RNF24: variants seen among roughly 807,000 people sequenced by gnomAD.
The protein encoded by RNF24 is ring finger protein 24.
A neutral mutation model predicts 20.0 loss-of-function variants in RNF24; 14 were observed. The ratio of observed to expected loss-of-function variants is 0.70; its 90% CI spans 0.46 to 1.10. The LOEUF (loss-of-function observed/expected upper bound fraction) is 1.10. Ranked by LOEUF, RNF24 falls within the 50% of genes least tolerant of loss-of-function variation. RNF24 has a pLI of 0.00. For synonymous variants in RNF24, 45 were observed against 61.1 expected, an observed-to-expected ratio of 0.74 and a Z score of 1.23; for missense variants, 124 against 177.6, an observed-to-expected ratio of 0.70 and a Z score of 1.71.
At chr20:4,013,700 G>A (rs1440547068) in intron 1 of RNF24, among the ~76,000 whole-genome samples, 1 of 152,178 alleles carries the variant, frequency 6.6e-6, no homozygotes, top group African/African-American at 2.4e-5. Context: ...GGCCAGGCTG[G>A]TCTCAAACTT....
chr20:4,012,728 T>C (rs1368218638), intron 1 of RNF24, among the ~76,000 whole-genome samples: 1 of 152,232 alleles, frequency 6.6e-6, no homozygotes, highest in East Asian at 1.9e-4. Flanking sequence ...ATACTTTGAT[T>C]AACAGAATGC....
At chr20:3,946,238 G>A (rs902366745) in intron 3 of RNF24, among the ~76,000 whole-genome samples, 1 of 152,086 alleles carries the variant, frequency 6.6e-6, no homozygotes, top group Non-Finnish European at 1.5e-5. Context: ...AGGCCGAGGT[G>A]GGCGGACTGC....
intron 2 of RNF24, among the ~76,000 whole-genome samples, chr20:3,948,489 G>A (rs576957894): frequency 9.2e-5 from 14 of 152,046 alleles, no homozygotes; most frequent in East Asian, 7.7e-4. Context: ...TTACCCAAAC[G>A]TAAGATGACT....
In RNF24 at chr20:3,930,584, CAAG is replaced by C. The variant is rs2090808960; in HGVS notation, c.*3476_*3478del. Reference sequence around the variant, plus strand: ...AGAAGGGCCTAAGGCTAGTGAGTGACAAGAGGTGATTCCATCACTCTCTGCCTG... The same window carrying C: ...AGAAGGGCCTAAGGCTAGTGAGTGACAGGTGATTCCATCACTCTCTGCCTG... On this transcript the variant is annotated 3_prime_UTR_variant, in exon 6 of 6. Transcript: ENST00000358395. 6.6e-6 allele frequency: 1 copy of C among 152,204 alleles called. No homozygotes were observed. Among genetic ancestry groups the C allele is most frequent in the Admixed American group, 6.5e-5 (1 of 15,272 alleles). The allele number at this position is 152,204 out of a possible 1,614,324, so 9.4% of individuals were successfully genotyped here.
At chr20:3,975,397 G>A (rs1978780115) in intron 1 of RNF24, among the ~76,000 whole-genome samples, 1 of 152,114 alleles carries the variant, frequency 6.6e-6, no homozygotes. Context: ...AGGAAAAATT[G>A]ATACACTGGA....
At chr20:3,982,476 T>G in intron 1 of RNF24, among the ~76,000 whole-genome samples, 1 of 148,828 alleles carries the variant, frequency 6.7e-6, no homozygotes, top group East Asian at 2.0e-4. Flanking sequence ...ACTCGGGAGG[T>G]TGAGGCAGGA....
intron 4 of RNF24, among the ~76,000 whole-genome samples, chr20:3,939,965 AT>A (rs958353734): frequency 7.3e-5 from 11 of 150,456 alleles, no homozygotes; most frequent in African/African-American, 1.2e-4. Flanking sequence ...CGAAAAAAAA[AT>A]TTTTTTTTTG....
rs2090788613 is a variant in RNF24 at position 3,929,512 on chromosome 20, C to CA, written c.*4550dup. ...CTCAGTAGCTAAGATGTCTGCCCCA[C>CA]AAAATAGAAGCCTTCAGTTGCTGCT... On this transcript the variant is annotated 3_prime_UTR_variant, in exon 6 of 6. Coordinates refer to ENST00000358395, the MANE Select transcript of RNF24 (RefSeq NM_001134337.3). 1 of 152,362 alleles carries CA rather than the reference C, an allele frequency of 6.6e-6. No individual in the cohort carries two copies. The highest frequency in any genetic ancestry group is 1.5e-5 in the Non-Finnish European group (1 of 68,124). 9.4% of individuals were successfully genotyped at this position (152,362 alleles called of 1,614,324 possible).
intron 1 of RNF24, among the ~76,000 whole-genome samples, chr20:4,014,657 T>C (rs903734380): frequency 1.3e-5 from 2 of 152,022 alleles, no homozygotes; most frequent in African/African-American, 4.8e-5. Context: ...GTGATGAAGT[T>C]ATATCCCCTC....
rs2090815771 is a variant in RNF24 at position 3,931,090 on chromosome 20, T to C, written c.*2973A>G. On this transcript the variant is annotated 3_prime_UTR_variant, in exon 6 of 6. Transcript: ENST00000358395. Reference sequence around the variant, plus strand: ...TCAGGCTGGTTTTGTTCCCTGTTTCTGAAGGCAGTTGAATTCAGTTGTACC... The same window carrying C: ...TCAGGCTGGTTTTGTTCCCTGTTTCCGAAGGCAGTTGAATTCAGTTGTACC... The C allele has an allele frequency of 6.6e-6, 1 of 152,268 alleles. No individual in the cohort carries two copies. The highest frequency in any genetic ancestry group is 1.5e-5 in the Non-Finnish European group (1 of 68,068). 9.4% of individuals were successfully genotyped at this position (152,268 alleles called of 1,614,324 possible). A position where few individuals can be genotyped will look rare whatever the true frequency, so the allele number is the denominator to read the frequency against.
rs2090775706 is a variant in RNF24, at chr20:3,928,967, G to C, written c.*5096C>G. 1.3e-5 allele frequency: 2 copies of C among 151,770 alleles called. No individual in the cohort carries two copies. The highest frequency in any genetic ancestry group is 4.8e-5 in the African/African-American group (2 of 41,394). The allele number at this position is 151,770 out of a possible 1,614,324, so 9.4% of individuals were successfully genotyped here. On this transcript the variant is annotated 3_prime_UTR_variant, in exon 6 of 6. Coordinates refer to ENST00000358395, the MANE Select transcript of RNF24 (RefSeq NM_001134337.3). ...GGGTTCAATCAATTCTCCTGTCCCA[G>C]CCTCCTGAGTGGCTGGGATTACAGG...
chr20:3,940,427 A>C (rs1010054664), intron 4 of RNF24, among the ~76,000 whole-genome samples: 1 of 151,904 alleles, frequency 6.6e-6, no homozygotes, highest in African/African-American at 2.4e-5. Flanking sequence ...AAAAAAAAAA[A>C]AACTCTCCAG....
At chr20:3,997,229 C>CAAAAAAAAAAAAAAAAAAAAA (rs1227396478) in intron 1 of RNF24, among the ~76,000 whole-genome samples, 2 of 51,230 alleles carry the variant, frequency 3.9e-5, no homozygotes, top group African/African-American at 1.6e-4. Flanking sequence ...GACTCCATCT[C>CAAAAAAAAAAAAAAAAAAAAA]AAAAAAAAAA....
At chr20:3,977,395 T>C (rs1187739006) in intron 1 of RNF24, among the ~76,000 whole-genome samples, 1 of 152,170 alleles carries the variant, frequency 6.6e-6, no homozygotes, top group African/African-American at 2.4e-5. Context: ...TGTATAATTT[T>C]CATGACTAGC....
intron 2 of RNF24, among the ~76,000 whole-genome samples, chr20:3,956,583 C>T (rs910222345): frequency 1.3e-5 from 2 of 151,784 alleles, no homozygotes; most frequent in African/African-American, 4.8e-5. Context: ...TACTATTATA[C>T]ATTTATTTTC....
At chr20:3,957,472 AAT>A in intron 2 of RNF24, among the ~76,000 whole-genome samples, 1 of 69,930 alleles carries the variant, frequency 1.4e-5, no homozygotes, top group Non-Finnish European at 3.6e-5. Flanking sequence ...AAAAAAAAAT[AAT>A]AATAATAAAA....
At position 3,931,346 on chromosome 20, in the gene RNF24, C is replaced by CTGACTTTACCATG. The variant is rs1241765339; in HGVS notation, c.*2716_*2717insCATGGTAAAGTCA. 6.6e-6 allele frequency: 1 copy of CTGACTTTACCATG among 152,064 alleles called. No individual in the cohort carries two copies. 9.4% of individuals were successfully genotyped at this position (152,064 alleles called of 1,614,324 possible). A position where few individuals can be genotyped will look rare whatever the true frequency, so the allele number is the denominator to read the frequency against. Reference sequence around the variant, plus strand: ...GAAAGGGTGACTTTACCATGGGGTTCGAGTCTGAGCCAAGAGAGTTATAAA... The same window carrying CTGACTTTACCATG: ...GAAAGGGTGACTTTACCATGGGGTTCTGACTTTACCATGGAGTCTGAGCCAAGAGAGTTATAAA... On this transcript the variant is annotated 3_prime_UTR_variant, in exon 6 of 6. Coordinates refer to ENST00000358395, the MANE Select transcript of RNF24 (RefSeq NM_001134337.3).
intron 1 of RNF24, among the ~76,000 whole-genome samples, chr20:4,010,266 G>A (rs1046445738): frequency 7.2e-5 from 11 of 152,056 alleles, no homozygotes; most frequent in African/African-American, 1.4e-4. Context: ...CCAGCTACTC[G>A]GGAGGCTGAG....
At chr20:3,954,403 T>C (rs1035149895) in intron 2 of RNF24, among the ~76,000 whole-genome samples, 2 of 152,258 alleles carry the variant, frequency 1.3e-5, no homozygotes, top group Admixed American at 1.3e-4. Flanking sequence ...GGTTGTAGTA[T>C]GTATCAGTAC....
Sources: allele counts gnomAD v4.1 joint callset (sites outside exome capture counted in the v4.1 genomes callset), GRCh38; gene constraint gnomAD v4.1.1; transcripts MANE v1.5; gene names NCBI Gene and HGNC (gene_info 2026-07-23, HGNC 2026-07-21).